The following AK9 variants were observed in gnomAD, a reference collection of about 807,000 sequenced individuals.
AK9 encodes the protein adenylate kinase domain containing 1.
In AK9, 191 loss-of-function variants were observed where a neutral mutation model predicts 239.6. The observed-to-expected ratio is 0.80, with a 90% confidence interval of 0.71 to 0.90. The LOEUF (loss-of-function observed/expected upper bound fraction) is 0.90. AK9 is among the 40% of genes least tolerant of loss of function. The pLI, the probability that AK9 is intolerant of heterozygous loss-of-function variation, is 0.00. For synonymous variants in AK9, 689 were observed against 721.0 expected, an observed-to-expected ratio of 0.96 and a Z score of 0.71; for missense variants, 1,995 against 2,214.7, an observed-to-expected ratio of 0.90 and a Z score of 1.99.
At chr6:109,640,692 T>G (rs1359087012) in intron 10 of AK9, among the ~76,000 whole-genome samples, 1 of 151,880 alleles carries the variant, frequency 6.6e-6, no homozygotes, top group African/African-American at 2.4e-5. Flanking sequence ...GCTGGGATAC[T>G]GTGCCCAGTC....
intron 21 of AK9, among the ~76,000 whole-genome samples, chr6:109,571,570 T>C (rs9398206): frequency 0.63 from 95,157 of 152,008 alleles, 30,468 homozygotes; most frequent in South Asian, 0.84. Context: ...AGATCAATGA[T>C]GATTTCCCCC....
At chr6:109,632,899 A>ATAGATAGT (rs746658849) in intron 12 of AK9, 24 bp downstream of exon 12, 3 of 1,606,476 alleles carry the variant, frequency 1.9e-6, no homozygotes, top group Non-Finnish European at 2.6e-6. Flanking sequence ...AGATAGATAG[A>ATAGATAGT]TAGACAGATA....
intron 25 of AK9, among the ~76,000 whole-genome samples, chr6:109,546,716 G>C (rs1472571398): frequency 1.3e-5 from 2 of 152,144 alleles, no homozygotes; most frequent in African/African-American, 2.4e-5. Flanking sequence ...AGCCTCAAAG[G>C]GGCTGGAGTT....
At chr6:109,528,979 C>G in intron 29 of AK9, 32 bp downstream of exon 29, 1 of 1,549,464 alleles carries the variant, frequency 6.5e-7, no homozygotes, top group South Asian at 1.2e-5. Context: ...AGAGTGAGAC[C>G]CTGTTTTGAA....
At chr6:109,573,666 C>T (rs1159016687) in intron 20 of AK9, 72 bp from the exon 21 acceptor site, 1 of 1,394,784 alleles carries the variant, frequency 7.2e-7, no homozygotes, top group Non-Finnish European at 9.6e-7. Flanking sequence ...TTGATAAGTG[C>T]TGAAGCCAAA....
In AK9 at chr6:109,548,584, G is replaced by C. The variant is rs908401739; in HGVS notation, c.2964+1506C>G. On this transcript the variant is annotated intron_variant, in intron 25 of 40. Coordinates refer to ENST00000424296, the MANE Select transcript of AK9 (RefSeq NM_001145128.3). ...AATTTGTGAGGAAAAAATTTGTCTT[G>C]TTTGTGGCCTAATTGACAAGGACTG... Among the ~76,000 whole-genome samples, 5 of 152,186 alleles carry C rather than the reference G, an allele frequency of 3.3e-5. No homozygotes were observed. The South Asian group carries it at 1.0e-3, about 32-fold the overall frequency.
intron 20 of AK9, among the ~76,000 whole-genome samples, chr6:109,577,781 A>G (rs1462276943): frequency 6.6e-6 from 1 of 152,038 alleles, no homozygotes; most frequent in Non-Finnish European, 1.5e-5. Flanking sequence ...AGGTGTTCAT[A>G]GTAGCCTTGA....
chr6:109,584,948 G>C (rs376209578), intron 19 of AK9, among the ~76,000 whole-genome samples, 175 bp downstream of exon 19: 1 of 152,156 alleles, frequency 6.6e-6, no homozygotes, highest in East Asian at 1.9e-4. Context: ...GTGTGCTTTA[G>C]AGATTCTGGA....
At chr6:109,539,976 AG>A (rs1782633063) in intron 27 of AK9, among the ~76,000 whole-genome samples, 1 of 152,036 alleles carries the variant, frequency 6.6e-6, no homozygotes, top group Non-Finnish European at 1.5e-5. Flanking sequence ...TTCATCTCAG[AG>A]GGGTATCTGG....
At chr6:109,558,867 C>CT (rs34860829) in intron 24 of AK9, among the ~76,000 whole-genome samples, 3 of 141,786 alleles carry the variant, frequency 2.1e-5, no homozygotes, top group Non-Finnish European at 4.6e-5. Flanking sequence ...GGTATATTTA[C>CT]TTTTTTTTTT....
Position 109,563,097 on chromosome 6 carries a change from C to A in AK9, c.2751+500G>T, listed in dbSNP as rs529439564. ...CAACTTAACCCAGTTAATCACAAGT[C>A]TATGTTTATATAACTTAATAATATT... On this transcript the variant is annotated intron_variant, in intron 24 of 40. Transcript: ENST00000424296. Among the ~76,000 whole-genome samples the A allele has an allele frequency of 2.0e-5, 3 of 152,256 alleles. No homozygotes were observed. In the East Asian group the frequency reaches 5.8e-4, roughly 29 times the overall value.
intron 19 of AK9, among the ~76,000 whole-genome samples, chr6:109,580,974 T>G (rs1788786257): frequency 6.6e-6 from 1 of 152,142 alleles, no homozygotes; most frequent in African/African-American, 2.4e-5. Context: ...TAAGCAACTC[T>G]ATTTCAAACT....
At chr6:109,538,459 T>G (rs1782346666) in intron 27 of AK9, among the ~76,000 whole-genome samples, 1 of 152,220 alleles carries the variant, frequency 6.6e-6, no homozygotes, top group South Asian at 2.1e-4. Context: ...ATTTTCTTGG[T>G]AGATCTTCCT....
chr6:109,594,289 C>T (rs1399011004), intron 17 of AK9, among the ~76,000 whole-genome samples: 1 of 152,020 alleles, frequency 6.6e-6, no homozygotes, highest in Non-Finnish European at 1.5e-5. Context: ...GAATAAAATA[C>T]CTAAGAATAC....
intron 20 of AK9, chr6:109,579,317 G>C (rs1451607485): frequency 2.3e-6 from 1 of 433,076 alleles, no homozygotes; most frequent in Non-Finnish European, 4.1e-6. Flanking sequence ...TCTCTGTCAA[G>C]AGTCATTTTC....
intron 10 of AK9, among the ~76,000 whole-genome samples, 156 bp from the exon 11 acceptor site, chr6:109,633,479 C>T (rs1296923409): frequency 2.6e-5 from 4 of 152,156 alleles, no homozygotes; most frequent in Non-Finnish European, 5.9e-5. Context: ...ACATCCTGCA[C>T]TTGTCCTTGA....
At chr6:109,539,731 G>T (rs1363381564) in intron 27 of AK9, among the ~76,000 whole-genome samples, 1 of 152,122 alleles carries the variant, frequency 6.6e-6, no homozygotes. Flanking sequence ...CATCTTTGTG[G>T]TTTTATCTAC....
At chr6:109,542,636 A>C (rs557609402) in intron 26 of AK9, among the ~76,000 whole-genome samples, 11 of 152,304 alleles carry the variant, frequency 7.2e-5, no homozygotes, top group Admixed American at 5.9e-4. Context: ...TTCATAAACA[A>C]TATGGTATTA....
At position 109,564,283 on chromosome 6, in the gene AK9, T is replaced by C; in HGVS notation, c.2435-3A>G. 8 of 1,539,716 alleles carry C rather than the reference T, an allele frequency of 5.2e-6. No homozygotes were observed. The highest frequency in any genetic ancestry group is 6.1e-6 in the Non-Finnish European group (7 of 1,142,600). ...TTCTGGAAACTCAGGTAGTACAACT[T>C]TGGAGTAAAAGACAAAGGAAAGAAA... On this transcript the variant is annotated splice_region_variant and splice_polypyrimidine_tract_variant and intron_variant, in intron 22 of 40. Coordinates refer to ENST00000424296, the MANE Select transcript of AK9 (RefSeq NM_001145128.3).
Sources: allele counts gnomAD v4.1 joint callset (sites outside exome capture counted in the v4.1 genomes callset), GRCh38; gene constraint gnomAD v4.1.1; transcripts MANE v1.5; gene names NCBI Gene and HGNC (gene_info 2026-07-23, HGNC 2026-07-21).